ZC3H12D: variants seen among roughly 807,000 people sequenced by gnomAD.
The protein encoded by ZC3H12D is probable ribonuclease ZC3H12D.
In ZC3H12D, 11 loss-of-function variants were observed where a neutral mutation model predicts 24.2. That is an observed-to-expected ratio of 0.46 (90% CI 0.29 to 0.75). The LOEUF (loss-of-function observed/expected upper bound fraction) is 0.75. Among genes scored for constraint, ZC3H12D ranks in the 30% least tolerant of loss-of-function variants. The probability of loss-of-function intolerance (pLI) is 0.11; values close to 1 mark genes in which losing one functional copy is unlikely to be tolerated. For missense variants in ZC3H12D, 740 were observed against 767.7 expected (o/e 0.96, Z 0.43); for synonymous variants, 333 against 341.8 (o/e 0.97, Z 0.28).
chr6:149,475,926 A>C (rs189159755), intron 1 of ZC3H12D, among the ~76,000 whole-genome samples: 1 of 152,290 alleles, frequency 6.6e-6, no homozygotes, highest in African/African-American at 2.4e-5. Flanking sequence ...TTTCAAAAAA[A>C]ATTTTTTTAA....
At position 149,451,315 on chromosome 6, in the gene ZC3H12D, C is replaced by A; in HGVS notation, c.952G>T (p.Ala318Ser). The change falls in exon 6 of 6, where the codon GCC (alanine) becomes TCC (serine). Residue 318 changes from alanine to serine, a missense_variant. Ala to Ser is a moderately conservative substitution (Grantham distance 99). Coordinates refer to ENST00000409806, the MANE Select transcript of ZC3H12D (RefSeq NM_207360.3). ...PPRAPGGSAG[A>S]RAAPREPFAH... Reference sequence around the variant, plus strand: ...AATGGTTCCCGGGGGGCCGCCCGGGCTCCTGCGGAGCCGCCCGGGGCTCTC... The same window carrying A: ...AATGGTTCCCGGGGGGCCGCCCGGGATCCTGCGGAGCCGCCCGGGGCTCTC... 5 of 1,345,834 alleles carry A rather than the reference C, an allele frequency of 3.7e-6. No homozygotes were observed. The highest frequency in any genetic ancestry group is 4.7e-6 in the Non-Finnish European group (5 of 1,059,140). The allele number at this position is 1,345,834 out of a possible 1,614,324, so 83.4% of individuals were successfully genotyped here. A position where few individuals can be genotyped will look rare whatever the true frequency, so the allele number is the denominator to read the frequency against.
chr6:149,466,820 G>A (rs1252434490), intron 2 of ZC3H12D, among the ~76,000 whole-genome samples: 5 of 151,982 alleles, frequency 3.3e-5, no homozygotes, highest in African/African-American at 1.2e-4. Flanking sequence ...AAGTTTCAGT[G>A]AGCCGAGATC....
intron 2 of ZC3H12D, among the ~76,000 whole-genome samples, chr6:149,474,033 AACCGT>A (rs1017956533): frequency 2.2e-4 from 34 of 152,170 alleles, no homozygotes; most frequent in Non-Finnish European, 4.3e-4. Flanking sequence ...ATTTTATCCC[AACCGT>A]ACAGATGGGA....
chr6:149,474,310 C>T lies in ZC3H12D; in HGVS notation c.234G>A (p.Leu78=). 3.2e-6 allele frequency: 5 copies of T among 1,586,678 alleles called. No homozygotes were observed. The Middle Eastern group carries it at 8.5e-4, about 268-fold the overall frequency. Residue 78 remains leucine, a synonymous_variant, in exon 2 of 6, where the codon CTG becomes CTA. Transcript: ENST00000409806. ...DSAQRGPGTA[L]EEDFRTLASS... is the part of the protein sequence containing the mutation. ...TGGCCAGGGTTCTGAAGTCCTCTTC[C>T]AGGGCTGTCCCCGGGCCACGCTGGG...
intron 1 of ZC3H12D, among the ~76,000 whole-genome samples, chr6:149,476,399 G>A (rs765814997): frequency 1.3e-5 from 2 of 152,132 alleles, no homozygotes; most frequent in Non-Finnish European, 2.9e-5. Flanking sequence ...AGCTACTTGG[G>A]AGGCTGAGGC....
At chr6:149,459,681 A>G (rs900552399) in intron 3 of ZC3H12D, 5 of 717,870 alleles carry the variant, frequency 7.0e-6, no homozygotes, top group African/African-American at 1.7e-5. Context: ...CCCTATCCCT[A>G]TAAAGAAAGT....
chr6:149,461,114 G>C (rs1434762597), intron 3 of ZC3H12D, among the ~76,000 whole-genome samples: 2 of 152,152 alleles, frequency 1.3e-5, no homozygotes, highest in African/African-American at 4.8e-5. Flanking sequence ...AGTTCGAGGT[G>C]GGCGGATCAT....
At chr6:149,480,594 G>A (rs1241718010) in intron 1 of ZC3H12D, among the ~76,000 whole-genome samples, 2 of 152,170 alleles carry the variant, frequency 1.3e-5, no homozygotes, top group African/African-American at 4.8e-5. Context: ...GAATTAGCCG[G>A]GCGTGGTGGC....
At position 149,452,577 on chromosome 6, in the gene ZC3H12D, G is replaced by A. The variant is rs773247840; in HGVS notation, c.787+39C>T. 6 of 1,460,390 alleles carry A rather than the reference G, an allele frequency of 4.1e-6. No individual in the cohort carries two copies. Among genetic ancestry groups the A allele is most frequent in the African/African-American group, 2.9e-5 (2 of 70,152 alleles). The allele number at this position is 1,460,390 out of a possible 1,614,324, so 90.5% of individuals were successfully genotyped here. On this transcript the variant is annotated intron_variant, in intron 5 of 5. Transcript: ENST00000409806. The surrounding 1 kb of genome is among the most constrained non-coding windows in gnomAD (Gnocchi z 4.0). ...TGCTCCTGTACTGCCCCCACACAAG[G>A]CCCTGAACAGGGCCTGCGAAGCACT...
In ZC3H12D at chr6:149,451,308, G is replaced by T. The variant is rs939001401; in HGVS notation, c.959C>A (p.Ala320Glu). The T allele has an allele frequency of 5.6e-5, 74 of 1,329,740 alleles. No individual in the cohort carries two copies. The highest frequency in any genetic ancestry group is 4.2e-4 in the South Asian group (20 of 47,328). The allele number at this position is 1,329,740 out of a possible 1,614,324, so 82.4% of individuals were successfully genotyped here. The change falls in exon 6 of 6, where the codon GCG (alanine) becomes GAG (glutamate). Residue 320 changes from alanine (A) to glutamate (E), a missense_variant. Physicochemically the swap from Ala to Glu is moderately radical, Grantham distance 107. Transcript: ENST00000409806. ...RAPGGSAGAR[A>E]APREPFAHSL... ...GTGCGCAAATGGTTCCCGGGGGGCC[G>T]CCCGGGCTCCTGCGGAGCCGCCCGG...
chr6:149,451,330 C>G lies in ZC3H12D; in HGVS notation c.937G>C (p.Gly313Arg). 2 of 1,427,376 alleles carry G rather than the reference C, an allele frequency of 1.4e-6. No homozygotes were observed. The highest frequency in any genetic ancestry group is 1.8e-6 in the Non-Finnish European group (2 of 1,101,140). 88.4% of individuals were successfully genotyped at this position (1,427,376 alleles called of 1,614,324 possible). ...AEEQRPPRAP[G>R]GSAGARAAPR... ...GCCGCCCGGGCTCCTGCGGAGCCGC[C>G]CGGGGCTCTCGGTGGCCGCTGCTCC... is the stretch of plus-strand genomic sequence containing the variant. Residue 313 changes from glycine (G) to arginine (R), a missense_variant, in exon 6 of 6, where the codon GGC (glycine) becomes CGC (arginine). Coordinates refer to ENST00000409806, the MANE Select transcript of ZC3H12D (RefSeq NM_207360.3).
chr6:149,454,880 G>A (rs1476309093), intron 4 of ZC3H12D, among the ~76,000 whole-genome samples: 1 of 152,236 alleles, frequency 6.6e-6, no homozygotes, highest in Admixed American at 6.5e-5. Flanking sequence ...GGCTCCTGCA[G>A]GGCGCTGCTG....
chr6:149,467,932 C>T (rs147850104), intron 2 of ZC3H12D, among the ~76,000 whole-genome samples: 61 of 152,266 alleles, frequency 4.0e-4, no homozygotes, highest in Non-Finnish European at 8.5e-4. Context: ...GGCAGCAAGC[C>T]GAGAGCCAGG....
rs1006281379 is a variant in ZC3H12D at position 149,448,493 on chromosome 6, T to G, written c.*2190A>C. 3 of 150,008 alleles carry G rather than the reference T, an allele frequency of 2.0e-5. No individual in the cohort carries two copies. The highest frequency in any genetic ancestry group is 4.4e-5 in the Non-Finnish European group (3 of 67,562). The allele number at this position is 150,008 out of a possible 1,614,324, so 9.3% of individuals were successfully genotyped here. On this transcript the variant is annotated 3_prime_UTR_variant, in exon 6 of 6. Coordinates refer to ENST00000409806, the MANE Select transcript of ZC3H12D (RefSeq NM_207360.3). ...GGGAAGTCAAAGCTGCAGTGAGCCC[T>G]GATTGCACTACTGCACTCCAGCCTG...
Position 149,479,883 on chromosome 6 carries a change from T to C in ZC3H12D, c.-71+4930A>G, listed in dbSNP as rs536010321. Reference sequence around the variant, plus strand: ...CCAAAGCTAAAGTTATCTTCCCTCCTCAAATATCTTTTACCTTGGCCCCCA... The same window carrying C: ...CCAAAGCTAAAGTTATCTTCCCTCCCCAAATATCTTTTACCTTGGCCCCCA... On this transcript the variant is annotated intron_variant, in intron 1 of 5. Transcript: ENST00000409806. 3.3e-5 allele frequency among the ~76,000 whole-genome samples: 5 copies of C among 152,234 alleles called. No homozygotes were observed. In the South Asian group the frequency reaches 6.2e-4, roughly 19 times the overall value.
At chr6:149,479,855 T>C (rs1776397543) in intron 1 of ZC3H12D, among the ~76,000 whole-genome samples, 2 of 152,174 alleles carry the variant, frequency 1.3e-5, no homozygotes, top group Admixed American at 6.5e-5. Context: ...TAAAACTAAA[T>C]GTCCAAAGCT....
At chr6:149,451,536 G>A (rs1775896149) in intron 5 of ZC3H12D, 57 bp from the exon 6 acceptor site, 2 of 1,408,338 alleles carry the variant, frequency 1.4e-6, no homozygotes, top group South Asian at 1.3e-5. Flanking sequence ...GCGGAGGGGC[G>A]GTGGTTCCTG....
At chr6:149,477,964 C>T (rs1776366968) in intron 1 of ZC3H12D, among the ~76,000 whole-genome samples, 1 of 151,744 alleles carries the variant, frequency 6.6e-6, no homozygotes, top group African/African-American at 2.4e-5. Flanking sequence ...GTCAGGAGTT[C>T]GAGACCAGCC....
Position 149,456,676 on chromosome 6 carries a change from C to G in ZC3H12D, c.670G>C (p.Val224Leu), listed in dbSNP as rs1162840553. ...CCCAGCCGGACCTACCGGTCGTTGACGAAGGAGAACATGAGCAGCCTCTGC... is the reference window on the plus strand; with the variant it reads ...CCCAGCCGGACCTACCGGTCGTTGAGGAAGGAGAACATGAGCAGCCTCTGC... Reference protein sequence around the residue: ...IEQRLLMFSFVNDRFMPPDDP... With the variant: ...IEQRLLMFSFLNDRFMPPDDP... Residue 224 changes from valine to leucine, a missense_variant, in exon 4 of 6, where the codon GTC becomes CTC. Val to Leu is a conservative substitution (Grantham distance 32, BLOSUM62 1). Transcript: ENST00000409806. This position sits in a 1 kb window ranked among gnomAD's most constrained non-coding sequence, Gnocchi z 4.3. 3 of 1,600,956 alleles carry G rather than the reference C, an allele frequency of 1.9e-6. No individual in the cohort carries two copies. The highest frequency in any genetic ancestry group is 1.7e-6 in the Non-Finnish European group (2 of 1,172,100).
Sources: gnomAD v4.1 joint callset for allele counts (sites outside exome capture counted in the v4.1 genomes callset) on GRCh38, gnomAD v4.1.1 for gene constraint, Gnocchi (gnomAD v3.1) non-coding constraint, MANE v1.5 for transcripts, NCBI Gene and HGNC (gene_info 2026-07-23, HGNC 2026-07-21) for gene names.